Variants in AMPD2 observed in about 807,000 individuals in gnomAD.
AMPD2 encodes the protein adenosine monophosphate deaminase 2.
A neutral mutation model predicts 91.3 loss-of-function variants in AMPD2; 52 were observed. The observed-to-expected ratio is 0.57, with a 90% CI of 0.46 to 0.72. AMPD2 has a LOEUF of 0.72. AMPD2 is among the 30% of genes least tolerant of loss of function. The pLI is 0.00. For synonymous variants in AMPD2, 455 were observed against 456.4 expected (o/e 1.00, Z 0.04); for missense variants, 822 against 1,122.3 (o/e 0.73, Z 3.82).
Position 109,628,765 on chromosome 1 carries a change from C to T in AMPD2, c.1530C>T (p.His510=). The change falls in exon 13 of 19, where the codon CAC becomes CAT. Residue 510 remains histidine (H), a synonymous_variant. Transcript: ENST00000528667. This position sits in a 1 kb window ranked among gnomAD's most constrained non-coding sequence, Gnocchi z 7.1. ...GCTGGGCCGTCATGCACCGCGTGCA[C>T]TCCCCCAACGTGCGCTGGCTGGTGC... ...LARWAVMHRV[H]SPNVRWLVQV... is the part of the protein sequence containing the mutation. The T allele has an allele frequency of 6.3e-7, 1 of 1,585,016 alleles. No individual in the cohort carries two copies. Among genetic ancestry groups the T allele is most frequent in the Non-Finnish European group, 8.6e-7 (1 of 1,164,952 alleles).
At chr1:109,630,164 C>G (rs1651087754) in intron 16 of AMPD2, 69 bp from the exon 17 acceptor site, 5 of 1,565,520 alleles carry the variant, frequency 3.2e-6, no homozygotes, top group Non-Finnish European at 3.5e-6. Flanking sequence ...GCCTGGACCC[C>G]CAGAACCACT....
At position 109,624,194 on chromosome 1, in the gene AMPD2, T is replaced by C. The variant is rs1650465246; in HGVS notation, c.92-1109T>C. On this transcript the variant is annotated intron_variant, in intron 2 of 18. Transcript: ENST00000528667. The surrounding 1 kb of genome is among the most constrained non-coding windows in gnomAD (Gnocchi z 5.2). ...CAGCTTTGGGACCAGTCCTGGAGTA[T>C]TGGGAAATGGGCGCAGAGACTTTAA... 1.8e-6 allele frequency: 1 copy of C among 552,670 alleles called. No homozygotes were observed. The highest frequency in any genetic ancestry group is 2.3e-6 in the Non-Finnish European group (1 of 434,394). 34.2% of individuals were successfully genotyped at this position (552,670 alleles called of 1,614,324 possible).
At position 109,629,238 on chromosome 1, in the gene AMPD2, G is replaced by A; in HGVS notation, c.1698+3G>A. On this transcript the variant is annotated splice_donor_region_variant and intron_variant, in intron 14 of 18. Coordinates refer to ENST00000528667, the MANE Select transcript of AMPD2 (RefSeq NM_001368809.2). ...AACTGCATCTCTTCTTAGAGCACGT[G>A]AGCAGGCAGCGCAGAGCTGGGTATG... is the stretch of plus-strand genomic sequence containing the variant. 1 of 1,614,170 alleles carries A rather than the reference G, an allele frequency of 6.2e-7. No homozygotes were observed. The highest frequency in any genetic ancestry group is 8.5e-7 in the Non-Finnish European group (1 of 1,180,034).
Position 109,627,220 on chromosome 1 carries a change from A to G in AMPD2, c.764A>G (p.His255Arg), listed in dbSNP as rs757693490. ...GCGCTGGAGCAGCACCCGTATGAGCACTGTGAGCCAAGCACCATGCCTGGG... is the reference window on the plus strand; with the variant it reads ...GCGCTGGAGCAGCACCCGTATGAGCGCTGTGAGCCAAGCACCATGCCTGGG... Reference protein sequence around the residue: ...PPALEQHPYEHCEPSTMPGDL... With the variant: ...PPALEQHPYERCEPSTMPGDL... The change falls in exon 8 of 19, where the codon CAC (histidine) becomes CGC (arginine). Residue 255 changes from histidine (H) to arginine (R), a missense_variant. Physicochemically the swap from His to Arg is conservative, Grantham distance 29. This residue lies in a region of AMPD2 where 240 missense variants were observed against 270.3 expected (regional missense o/e 0.89). Coordinates refer to ENST00000528667, the MANE Select transcript of AMPD2 (RefSeq NM_001368809.2). 16 of 1,613,434 alleles carry G rather than the reference A, an allele frequency of 9.9e-6. No individual in the cohort carries two copies. Among genetic ancestry groups the G allele is most frequent in the Non-Finnish European group, 1.3e-5 (15 of 1,179,784 alleles).
chr1:109,627,716 C>T, intron 9 of AMPD2, 58 bp from the exon 10 acceptor site: 2 of 1,601,154 alleles, frequency 1.2e-6, no homozygotes, highest in Non-Finnish European at 1.7e-6. Context: ...CTACCCAAGC[C>T]CTCCCCAGGT....
rs373128067 is a variant in AMPD2, at chr1:109,628,209, C to A, written c.1207C>A (p.Arg403=). ...HVEQGREQTL[R]EVFESMNLTA... ...GGAGCAGGGCCGTGAACAGACGCTG[C>A]GGGAGGTCTTTGAGAGCATGAATCT... Residue 403 remains arginine (R), a synonymous_variant, in exon 11 of 19, where the codon CGG becomes AGG. Transcript: ENST00000528667. The surrounding 1 kb of genome is among the most constrained non-coding windows in gnomAD (Gnocchi z 7.1). The A allele has an allele frequency of 6.2e-7, 1 of 1,614,004 alleles. No homozygotes were observed. Among genetic ancestry groups the A allele is most frequent in the Non-Finnish European group, 8.5e-7 (1 of 1,180,028 alleles).
Position 109,630,730 on chromosome 1 carries a change from C to A in AMPD2, c.2205C>A (p.Leu735=). Residue 735 remains leucine, a synonymous_variant, in exon 18 of 19, where the codon CTC becomes CTA. Transcript: ENST00000528667. ...EYSIATQVWK[L]SSCDMCELAR... ...GCATCGCCACCCAGGTGTGGAAGCT[C>A]AGCTCCTGCGATATGTGTGAGCTGG... 6.2e-7 allele frequency: 1 copy of A among 1,612,236 alleles called. No individual in the cohort carries two copies. Among genetic ancestry groups the A allele is most frequent in the South Asian group, 1.1e-5 (1 of 90,642 alleles).
Position 109,627,870 on chromosome 1 carries a change from A to G in AMPD2, c.1047A>G (p.Lys349=). ...TGAAGGAGCTGGCCGCCCAGAAGAA[A>G]GTGCCACACCGAGATTTCTACAACA... The part of the protein sequence containing the change: ...NEMKELAAQK[K]VPHRDFYNIR... The change falls in exon 10 of 19, where the codon AAA becomes AAG. Residue 349 remains lysine (K), a synonymous_variant. Transcript: ENST00000528667. The G allele has an allele frequency of 6.2e-7, 1 of 1,613,992 alleles. No individual in the cohort carries two copies. The highest frequency in any genetic ancestry group is 8.5e-7 in the Non-Finnish European group (1 of 1,179,984).
intron 1 of AMPD2, chr1:109,620,622 C>T (rs1380678439): frequency 2.5e-6 from 3 of 1,207,850 alleles, no homozygotes; most frequent in African/African-American, 3.2e-5. Flanking sequence ...TGGGCTACCC[C>T]GGGAGCTGAG....
rs542551412 is a variant in AMPD2 at position 109,624,271 on chromosome 1, G to A, written c.92-1032G>A. The stretch of plus-strand genomic sequence containing the variant: ...ATCCTTCCCTAAGCCAGGGTGGAGG[G>A]TGCTGGAGGGGAGCACTCCTTACAG... On this transcript the variant is annotated intron_variant, in intron 2 of 18. Coordinates refer to ENST00000528667, the MANE Select transcript of AMPD2 (RefSeq NM_001368809.2). The surrounding 1 kb of genome is among the most constrained non-coding windows in gnomAD (Gnocchi z 5.2). Among the ~76,000 whole-genome samples the A allele has an allele frequency of 6.6e-6, 1 of 152,354 alleles. No homozygotes were observed. The highest frequency in any genetic ancestry group is 1.5e-5 in the Non-Finnish European group (1 of 68,036).
Position 109,619,869 on chromosome 1 carries a change from G to C in AMPD2, c.-672G>C, listed in dbSNP as rs2101137988. 1 of 201,526 alleles carries C rather than the reference G, an allele frequency of 5.0e-6. No individual in the cohort carries two copies. The highest frequency in any genetic ancestry group is 1.7e-4 in the East Asian group (1 of 5,812). 12.5% of individuals were successfully genotyped at this position (201,526 alleles called of 1,614,324 possible). Reference sequence around the variant, plus strand: ...GCAGAGCCTGGCGCGGAGCCGGCGAGATTTTGGTGGGGTCTCACCTGTTGC... The same window carrying C: ...GCAGAGCCTGGCGCGGAGCCGGCGACATTTTGGTGGGGTCTCACCTGTTGC... On this transcript the variant is annotated 5_prime_UTR_variant, in exon 1 of 19. Transcript: ENST00000528667.
chr1:109,623,589 G>A (rs1171866855), intron 2 of AMPD2, among the ~76,000 whole-genome samples: 1 of 152,224 alleles, frequency 6.6e-6, no homozygotes, highest in Non-Finnish European at 1.5e-5. Context: ...AGGGCCCAGA[G>A]GACAGTGGTG....
chr1:109,621,450 G>T (rs1199597164), intron 2 of AMPD2, 184 bp downstream of exon 2: 2 of 659,972 alleles, frequency 3.0e-6, no homozygotes, highest in Non-Finnish European at 5.5e-6. Flanking sequence ...GGGGGGCGGG[G>T]GGTGGATCTG....
Position 109,629,498 on chromosome 1 carries a change from C to T in AMPD2, c.1862+8C>T, listed in dbSNP as rs1423758972. On this transcript the variant is annotated splice_region_variant and intron_variant, in intron 15 of 18. Coordinates refer to ENST00000528667, the MANE Select transcript of AMPD2 (RefSeq NM_001368809.2). ...GTTGAACCACCTGCGCAGGTGCCTG[C>T]ACCACCCTGTGTCTGCTTGCTATGC... 10 of 1,612,268 alleles carry T rather than the reference C, an allele frequency of 6.2e-6. No individual in the cohort carries two copies. The highest frequency in any genetic ancestry group is 1.3e-5 in the African/African-American group (1 of 74,890).
chr1:109,620,231 AC>A lies in AMPD2; in HGVS notation c.-309del. 6 of 1,613,216 alleles carry A rather than the reference AC, an allele frequency of 3.7e-6. No individual in the cohort carries two copies. The highest frequency in any genetic ancestry group is 4.2e-6 in the Non-Finnish European group (5 of 1,179,654). On this transcript the variant is annotated 5_prime_UTR_variant, in exon 1 of 19. Transcript: ENST00000528667. ...AGGACCCGGGCTTTCTGCTGTACAGACTTCTCGTGGGCAGCCTCCCCTCGGA... is the reference window on the plus strand; with the variant it reads ...AGGACCCGGGCTTTCTGCTGTACAGATTCTCGTGGGCAGCCTCCCCTCGGA...
At position 109,625,309 on chromosome 1, in the gene AMPD2, G is replaced by A. The variant is rs763997662; in HGVS notation, c.98G>A (p.Arg33Gln). The A allele has an allele frequency of 3.1e-6, 5 of 1,612,002 alleles. No homozygotes were observed. The highest frequency in any genetic ancestry group is 2.2e-5 in the East Asian group (1 of 44,850). ...GGCATCACTGTCTCTGCAGAGGCTC[G>A]GGGTGGTCTGGGGGCCCCTCCGCTG... ...LQASTAAPEA[R>Q]GGLGAPPLQS... The change falls in exon 3 of 19, where the codon CGG becomes CAG. Residue 33 changes from arginine to glutamine, a missense_variant. By Grantham distance (43) the Arg-to-Gln change is conservative (BLOSUM62 1). Coordinates refer to ENST00000528667, the MANE Select transcript of AMPD2 (RefSeq NM_001368809.2). This position sits in a 1 kb window ranked among gnomAD's most constrained non-coding sequence, Gnocchi z 4.0.
chr1:109,627,561 C>T, intron 9 of AMPD2, 43 bp downstream of exon 9: 1 of 1,605,948 alleles, frequency 6.2e-7, no homozygotes. Context: ...CCCTCCCAGC[C>T]CAGATTCTCC....
chr1:109,621,632 TCTGA>T (rs771350249), intron 2 of AMPD2, among the ~76,000 whole-genome samples: 6 of 152,206 alleles, frequency 3.9e-5, no homozygotes, highest in Non-Finnish European at 8.8e-5. Flanking sequence ...GACTGGCCAC[TCTGA>T]CTGGCGCCTG....
Position 109,627,772 on chromosome 1 carries a change from A to T in AMPD2, c.951-2A>T. The T allele has an allele frequency of 6.2e-7, 1 of 1,613,766 alleles. No homozygotes were observed. Among genetic ancestry groups the T allele is most frequent in the Non-Finnish European group, 8.5e-7 (1 of 1,179,898 alleles). On this transcript the variant is annotated splice_acceptor_variant, in intron 9 of 18. Coordinates refer to ENST00000528667, the MANE Select transcript of AMPD2 (RefSeq NM_001368809.2). LOFTEE classifies it high-confidence loss of function. ...TCCCTGCCTTGTTCTCCTCATGCCCAGAAAGTCATTCTGCTACCGCCGGCT... is the reference window on the plus strand; with the variant it reads ...TCCCTGCCTTGTTCTCCTCATGCCCTGAAAGTCATTCTGCTACCGCCGGCT...
Sources: gnomAD v4.1 joint callset for allele counts (sites outside exome capture counted in the v4.1 genomes callset) on GRCh38, gnomAD v4.1.1 for gene constraint, gnomAD v4.1.1 regional missense constraint, Gnocchi (gnomAD v3.1) non-coding constraint, MANE v1.5 for transcripts, NCBI Gene and HGNC (gene_info 2026-07-23, HGNC 2026-07-21) for gene names.